The following FGD6 variants were observed in gnomAD, a reference collection of about 807,000 sequenced individuals.
The protein encoded by FGD6 is FYVE, RhoGEF and PH domain containing 6.
Under a neutral mutation model 149.4 loss-of-function variants are expected in FGD6, and 90 were observed. The observed-to-expected ratio is 0.60, with a 90% CI of 0.51 to 0.72. The LOEUF (loss-of-function observed/expected upper bound fraction) is 0.72, where lower values mean the gene tolerates loss of function less well. Ranked by LOEUF, FGD6 falls within the 30% of genes least tolerant of loss-of-function variation. The pLI is 0.00. For synonymous variants in FGD6, 527 were observed against 584.0 expected (o/e 0.90, Z 1.41); for missense variants, 1,437 against 1,684.8 (o/e 0.85, Z 2.57).
chr12:95,130,681 C>T (rs571194157), intron 8 of FGD6, among the ~76,000 whole-genome samples: 2 of 152,070 alleles, frequency 1.3e-5, no homozygotes, highest in South Asian at 4.2e-4. Flanking sequence ...GAGTTCGAGA[C>T]CAGCCTGGGC....
chr12:95,149,759 T>C (rs1880239168), intron 5 of FGD6, among the ~76,000 whole-genome samples: 1 of 145,498 alleles, frequency 6.9e-6, no homozygotes, highest in Admixed American at 7.1e-5. Context: ...ACTATACATA[T>C]AGTATTATAT....
chr12:95,123,771 T>G (rs948481453), intron 8 of FGD6, among the ~76,000 whole-genome samples: 11 of 152,140 alleles, frequency 7.2e-5, no homozygotes, highest in African/African-American at 2.6e-4. Flanking sequence ...ACCGTGTTAT[T>G]CAGGACGGTC....
intron 2 of FGD6, among the ~76,000 whole-genome samples, chr12:95,176,653 T>G (rs570412253): frequency 3.9e-5 from 6 of 152,352 alleles, no homozygotes; most frequent in African/African-American, 1.4e-4. Context: ...ACATCTGAAG[T>G]GAAGACTACA....
At chr12:95,133,246 C>T (rs539625665) in intron 8 of FGD6, among the ~76,000 whole-genome samples, 4 of 152,232 alleles carry the variant, frequency 2.6e-5, no homozygotes, top group African/African-American at 4.8e-5. Context: ...GGTGAAACCC[C>T]GCCTCTACTA....
chr12:95,186,225 CTTCTTTTTTT>C (rs1881429122), intron 2 of FGD6, among the ~76,000 whole-genome samples: 3 of 71,186 alleles, frequency 4.2e-5, no homozygotes, highest in East Asian at 4.8e-4. Flanking sequence ...TTATATTCTT[CTTCTTTTTTT>C]TTTTTTTTTT....
In FGD6 at chr12:95,211,122, T is replaced by G. The variant is rs1417551337; in HGVS notation, c.162A>C (p.Pro54=). The G allele has an allele frequency of 6.2e-7, 1 of 1,614,236 alleles. No individual in the cohort carries two copies. The highest frequency in any genetic ancestry group is 8.5e-7 in the Non-Finnish European group (1 of 1,180,038). The change falls in exon 2 of 21, where the codon CCA becomes CCC. Residue 54 remains proline (P), a synonymous_variant. Coordinates refer to ENST00000343958, the MANE Select transcript of FGD6 (RefSeq NM_018351.4). ...STKKMKPAIA[P]KPKVLKTSPV... The stretch of plus-strand genomic sequence containing the variant: ...GTGAGGTCTTCAGGACTTTTGGTTT[T>G]GGGGCTATTGCTGGTTTCATTTTCT...
chr12:95,160,150 G>C (rs1261983755), intron 3 of FGD6, among the ~76,000 whole-genome samples: 3 of 151,928 alleles, frequency 2.0e-5, no homozygotes, highest in African/African-American at 7.3e-5. Context: ...TTTGAGACCA[G>C]CCTGGGTAAC....
rs117356230 is a variant in FGD6, at chr12:95,091,801, G to A, written c.3756C>T (p.Cys1252=). The A allele has an allele frequency of 6.2e-7, 1 of 1,610,600 alleles. No homozygotes were observed. The highest frequency in any genetic ancestry group is 2.2e-5 in the East Asian group (1 of 44,744). ...CATACTTATTAGACGAACAAGCTTG[G>A]CATACAATCTGAAAACACATTGGAA... is the stretch of plus-strand genomic sequence containing the variant. ...HHCRACGKIV[C]QACSSNKYGL... Residue 1252 remains cysteine (C), a synonymous_variant, in exon 17 of 21, where the codon TGC becomes TGT. Coordinates refer to ENST00000343958, the MANE Select transcript of FGD6 (RefSeq NM_018351.4).
chr12:95,132,808 C>T (rs1247261148), intron 8 of FGD6, among the ~76,000 whole-genome samples: 1 of 152,062 alleles, frequency 6.6e-6, no homozygotes, highest in Non-Finnish European at 1.5e-5. Context: ...AAAAATTAAT[C>T]TTTGCACTAA....
chr12:95,209,337 G>C lies in FGD6; in HGVS notation c.1947C>G (p.Ser649=). 1 of 1,612,902 alleles carries C rather than the reference G, an allele frequency of 6.2e-7. No individual in the cohort carries two copies. ...TGGTGTCTCCGAGTTGGCTACTCTT[G>C]GACCAAAATTTTTGAAAGTCACTCT... ...FMKSDFQKFW[S]KSSQLGDTTT... The change falls in exon 2 of 21, where the codon TCC becomes TCG. Residue 649 remains serine, a synonymous_variant. Coordinates refer to ENST00000343958, the MANE Select transcript of FGD6 (RefSeq NM_018351.4).
At chr12:95,180,079 CAAAA>C (rs148087005) in intron 2 of FGD6, among the ~76,000 whole-genome samples, 2 of 138,724 alleles carry the variant, frequency 1.4e-5, no homozygotes. Context: ...ACTCTGCCTC[CAAAA>C]AAAAAAAAAA....
intron 8 of FGD6, among the ~76,000 whole-genome samples, chr12:95,119,112 T>C (rs528773973): frequency 6.6e-6 from 1 of 151,812 alleles, no homozygotes; most frequent in South Asian, 2.1e-4. Context: ...ATGATGATGA[T>C]GATAATAATA....
intron 5 of FGD6, among the ~76,000 whole-genome samples, chr12:95,143,417 C>A (rs1235781405): frequency 6.6e-6 from 1 of 151,854 alleles, no homozygotes; most frequent in Non-Finnish European, 1.5e-5. Context: ...TTAATCAATG[C>A]TAAAAAACCT....
At chr12:95,186,582 G>A (rs1264557668) in intron 2 of FGD6, among the ~76,000 whole-genome samples, 1 of 149,034 alleles carries the variant, frequency 6.7e-6, no homozygotes, top group Non-Finnish European at 1.5e-5. Flanking sequence ...TGTCCATAAT[G>A]AAGTTTTATT....
At chr12:95,105,723 A>G (rs971489152) in intron 13 of FGD6, among the ~76,000 whole-genome samples, 4 of 152,216 alleles carry the variant, frequency 2.6e-5, no homozygotes, top group African/African-American at 4.8e-5. Flanking sequence ...ACATGAATGA[A>G]TAATCAAATG....
In FGD6 at chr12:95,150,247, G is replaced by A. The variant is rs191329372; in HGVS notation, c.2685+2564C>T. The stretch of plus-strand genomic sequence containing the variant: ...TTCTCCATGTTGGTCAGGCTGTCTC[G>A]AACTCCTGACCTCATGTGATCCGCC... On this transcript the variant is annotated intron_variant, in intron 5 of 20. Coordinates refer to ENST00000343958, the MANE Select transcript of FGD6 (RefSeq NM_018351.4). Among the ~76,000 whole-genome samples the A allele has an allele frequency of 5.3e-4, 81 of 151,968 alleles. 3 individuals are homozygous for A. In the East Asian group the frequency reaches 0.014, roughly 25 times the overall value.
At chr12:95,130,087 G>GT (rs1175398246) in intron 8 of FGD6, among the ~76,000 whole-genome samples, 1 of 152,184 alleles carries the variant, frequency 6.6e-6, no homozygotes, top group Non-Finnish European at 1.5e-5. Context: ...TAACAAGAAT[G>GT]TAGGTGTAAG....
Position 95,108,355 on chromosome 12 carries a change from G to C in FGD6, c.3257C>G (p.Pro1086Arg). The C allele has an allele frequency of 1.2e-6, 2 of 1,613,872 alleles. No homozygotes were observed. The highest frequency in any genetic ancestry group is 1.7e-6 in the Non-Finnish European group (2 of 1,179,906). Residue 1086 changes from proline (P) to arginine (R), a missense_variant, in exon 11 of 21, where the codon CCT (proline) becomes CGT (arginine). Physicochemically the swap from Pro to Arg is moderately radical, Grantham distance 103 (BLOSUM62 -2). This residue lies in a region of FGD6 where 382 missense variants were observed against 538.7 expected (regional missense o/e 0.71). Coordinates refer to ENST00000343958, the MANE Select transcript of FGD6 (RefSeq NM_018351.4). ...SLNGHHEIVQPGRVFLKEGIL... is the reference protein window; with the variant it reads ...SLNGHHEIVQRGRVFLKEGIL... Reference sequence around the variant, plus strand: ...GCAATGTAAAATGCTTACCCGACCAGGCTGCACAATTTCATGGTGTCCATT... The same window carrying C: ...GCAATGTAAAATGCTTACCCGACCACGCTGCACAATTTCATGGTGTCCATT...
intron 5 of FGD6, among the ~76,000 whole-genome samples, chr12:95,150,098 A>T (rs1203367543): frequency 2.0e-5 from 3 of 149,152 alleles, no homozygotes; most frequent in Non-Finnish European, 3.0e-5. Flanking sequence ...CACAATCTCG[A>T]CTCACCGCAA....
Sources: gnomAD v4.1 joint callset for allele counts (sites outside exome capture counted in the v4.1 genomes callset) on GRCh38, gnomAD v4.1.1 for gene constraint, gnomAD v4.1.1 regional missense constraint, MANE v1.5 for transcripts, NCBI Gene and HGNC (gene_info 2026-07-23, HGNC 2026-07-21) for gene names.